The following NXPE2 variants were observed in gnomAD, a reference collection of about 807,000 sequenced individuals.
The protein encoded by NXPE2 is neurexophilin and PC-esterase domain family member 2.
A neutral mutation model predicts 34.4 loss-of-function variants in NXPE2; 34 were observed. The observed-to-expected ratio is 0.99, with a 90% CI of 0.75 to 1.31. The LOEUF is 1.31. Among genes scored for constraint, NXPE2 ranks in the 40% most tolerant of loss-of-function variants. NXPE2 has a pLI of 0.00. For synonymous variants in NXPE2, 235 were observed against 231.3 expected (o/e 1.02, Z -0.15); for missense variants, 649 against 672.5 (o/e 0.97, Z 0.39).
the NXPE2 span, among the ~76,000 whole-genome samples, chr11:114,787,675 A>G: frequency 6.6e-6 from 1 of 152,314 alleles, no homozygotes; most frequent in African/African-American, 2.4e-5. Context: ...TCCTTTGAAA[A>G]AAAGTTTAAT....
chr11:114,626,550 G>T, the NXPE2 span, among the ~76,000 whole-genome samples: 1 of 152,200 alleles, frequency 6.6e-6, no homozygotes, highest in African/African-American at 2.4e-5. Flanking sequence ...ACCAAAGGTA[G>T]ATAAAACCAC....
At chr11:114,775,891 A>AC in the NXPE2 span, among the ~76,000 whole-genome samples, 1 of 144,556 alleles carries the variant, frequency 6.9e-6, no homozygotes, top group Non-Finnish European at 1.5e-5. Flanking sequence ...AAAAAAAAAA[A>AC]CAAAAAAACC....
the NXPE2 span, among the ~76,000 whole-genome samples, chr11:114,510,519 C>G: frequency 1.3e-5 from 2 of 152,202 alleles, no homozygotes; most frequent in Admixed American, 1.3e-4. Flanking sequence ...CCACACCCAG[C>G]CTTTCTTCCC....
the NXPE2 span, among the ~76,000 whole-genome samples, chr11:114,539,827 G>C: frequency 6.6e-6 from 1 of 151,874 alleles, no homozygotes; most frequent in East Asian, 1.9e-4. Context: ...TTTATTATAG[G>C]TTAATGGTAC....
At chr11:114,805,115 G>A in the NXPE2 span, among the ~76,000 whole-genome samples, 3 of 151,938 alleles carry the variant, frequency 2.0e-5, no homozygotes, top group African/African-American at 7.3e-5. Context: ...ACAAAATGAA[G>A]CTTTCTCAGT....
chr11:114,639,200 GC>G, the NXPE2 span, among the ~76,000 whole-genome samples: 6 of 151,018 alleles, frequency 4.0e-5, no homozygotes, highest in African/African-American at 1.5e-4. Context: ...CCTCACTGCC[GC>G]CTTTCAGTTT....
rs748727380 is a variant in NXPE2, at chr11:114,698,055, A to C, written c.143A>C (p.Asn48Thr). 1.3e-6 allele frequency: 2 copies of C among 1,509,068 alleles called. No individual in the cohort carries two copies. The highest frequency in any genetic ancestry group is 2.8e-5 in the African/African-American group (2 of 71,538). 93.5% of individuals were successfully genotyped at this position (1,509,068 alleles called of 1,614,324 possible). Residue 48 changes from asparagine (N) to threonine (T), a missense_variant, in exon 3 of 6, where the codon AAC becomes ACC. By Grantham distance (65) the Asn-to-Thr change is moderately conservative. Coordinates refer to ENST00000389586, the MANE Select transcript of NXPE2 (RefSeq NM_182495.6). Reference sequence around the variant, plus strand: ...CTTTCAATATTTCAGTTCTCGTTCAACTTGGAAAACCATATTATCCTGAAC... The same window carrying C: ...CTTTCAATATTTCAGTTCTCGTTCACCTTGGAAAACCATATTATCCTGAAC... ...ASKDHTKFSF[N>T]LENHIILNQG...
chr11:114,712,921 AC>A, the NXPE2 span, among the ~76,000 whole-genome samples: 1 of 152,234 alleles, frequency 6.6e-6, no homozygotes, highest in Admixed American at 6.5e-5. Flanking sequence ...TGTGGCATAT[AC>A]ATACAGTGAA....
At chr11:114,745,758 G>T in the NXPE2 span, among the ~76,000 whole-genome samples, 1 of 151,956 alleles carries the variant, frequency 6.6e-6, no homozygotes, top group Admixed American at 6.6e-5. Flanking sequence ...ATATGAAAAA[G>T]TATACTAGAG....
chr11:114,521,122 A>G, the NXPE2 span, among the ~76,000 whole-genome samples: 1 of 152,212 alleles, frequency 6.6e-6, no homozygotes, highest in African/African-American at 2.4e-5. Context: ...TCTTCCAAAA[A>G]GAAGAAATTT....
At chr11:114,577,058 CATAT>C in the NXPE2 span, among the ~76,000 whole-genome samples, 73 of 29,902 alleles carry the variant, frequency 2.4e-3, no homozygotes, top group South Asian at 0.01. Context: ...TATATATATA[CATAT>C]ATATATATAA....
At chr11:114,619,836 G>C in the NXPE2 span, among the ~76,000 whole-genome samples, 45 of 151,414 alleles carry the variant, frequency 3.0e-4, no homozygotes, top group South Asian at 1.5e-3. Flanking sequence ...GTGTTGCCTC[G>C]TTGGTAACCA....
the NXPE2 span, chr11:114,530,645 T>C: frequency 1.2e-6 from 2 of 1,614,066 alleles, no homozygotes; most frequent in Admixed American, 3.3e-5. Flanking sequence ...TCACCTCCAG[T>C]AGGATGTCCA....
chr11:114,629,251 C>T, the NXPE2 span, among the ~76,000 whole-genome samples: 2 of 152,074 alleles, frequency 1.3e-5, no homozygotes, highest in South Asian at 2.1e-4. Context: ...CCTTGATGAA[C>T]ATTGATGCAA....
At chr11:114,600,257 G>A in the NXPE2 span, among the ~76,000 whole-genome samples, 3 of 152,126 alleles carry the variant, frequency 2.0e-5, no homozygotes, top group African/African-American at 7.2e-5. Context: ...TAACCAGTAA[G>A]AAGACATATC....
the NXPE2 span, among the ~76,000 whole-genome samples, chr11:114,731,302 A>G: frequency 6.6e-6 from 1 of 152,236 alleles, no homozygotes; most frequent in Non-Finnish European, 1.5e-5. Context: ...ATGTTCTGGA[A>G]AACAGTTTGG....
the NXPE2 span, among the ~76,000 whole-genome samples, chr11:114,616,753 C>G: frequency 6.6e-6 from 1 of 151,562 alleles, no homozygotes; most frequent in Non-Finnish European, 1.5e-5. Context: ...CACGGTTAAC[C>G]GGTGGATAAT....
the NXPE2 span, among the ~76,000 whole-genome samples, chr11:114,605,758 A>G: frequency 3.3e-5 from 5 of 151,698 alleles, no homozygotes; most frequent in Non-Finnish European, 7.4e-5. Context: ...TATTGCCCCT[A>G]GGGTAATCAC....
the NXPE2 span, among the ~76,000 whole-genome samples, chr11:114,663,463 G>T: frequency 6.6e-6 from 1 of 152,066 alleles, no homozygotes; most frequent in Non-Finnish European, 1.5e-5. Flanking sequence ...GGACATGGTG[G>T]TGTCTAATGG....
Sources: allele counts gnomAD v4.1 joint callset (sites outside exome capture counted in the v4.1 genomes callset), GRCh38; gene constraint gnomAD v4.1.1; transcripts MANE v1.5; gene names NCBI Gene and HGNC (gene_info 2026-07-23, HGNC 2026-07-21).